Variants in HOOK3 observed in about 807,000 individuals in gnomAD.
HOOK3 encodes the protein protein Hook homolog 3.
HOOK3 carries 24 observed loss-of-function variants against 116.3 expected under a neutral mutation model. The ratio of observed to expected loss-of-function variants is 0.21; its 90% CI spans 0.15 to 0.29. The LOEUF (loss-of-function observed/expected upper bound fraction) is 0.29, where lower values mean the gene tolerates loss of function less well. Ranked by LOEUF, HOOK3 falls within the 10% of genes least tolerant of loss-of-function variation. The pLI is 1.00. For synonymous variants in HOOK3, 275 were observed against 283.0 expected (o/e 0.97, Z 0.28); for missense variants, 632 against 830.2 (o/e 0.76, Z 2.93).
At chr8:42,907,816 C>CAAA (rs71550426) in intron 2 of HOOK3, among the ~76,000 whole-genome samples, 47 of 46,068 alleles carry the variant, frequency 1.0e-3, no homozygotes, top group Non-Finnish European at 1.1e-3. Context: ...AGCAACGAGG[C>CAAA]AAAAAAAAAA....
intron 13 of HOOK3, 37 bp from the exon 14 acceptor site, chr8:42,982,590 T>G: frequency 7.0e-7 from 1 of 1,423,692 alleles, no homozygotes; most frequent in Non-Finnish European, 9.9e-7. Context: ...TAACTGTGTT[T>G]TCCATTAGCC....
Position 43,026,329 on chromosome 8 carries a change from T to G in HOOK3, c.*7831T>G. The G allele has an allele frequency of 5.2e-6, 1 of 192,980 alleles. No individual in the cohort carries two copies. Among genetic ancestry groups the G allele is most frequent in the Non-Finnish European group, 1.1e-5 (1 of 92,416 alleles). The allele number at this position is 192,980 out of a possible 1,614,324, so 12.0% of individuals were successfully genotyped here. On this transcript the variant is annotated 3_prime_UTR_variant, in exon 22 of 22. Coordinates refer to ENST00000307602, the MANE Select transcript of HOOK3 (RefSeq NM_032410.4). ...CTTCTAGTCATTTATGTAGTATATT[T>G]TACTGCAAAATTTGTAGCACTTTAC...
chr8:42,998,731 A>G (rs994622663), intron 16 of HOOK3, among the ~76,000 whole-genome samples: 9 of 152,104 alleles, frequency 5.9e-5, no homozygotes, highest in South Asian at 2.1e-4. Context: ...CCCTTAATCA[A>G]TGTGTTGGCA....
intron 21 of HOOK3, among the ~76,000 whole-genome samples, chr8:43,016,136 TA>T (rs1187205722): frequency 4.1e-4 from 50 of 123,272 alleles, no homozygotes; most frequent in African/African-American, 1.3e-3. Context: ...TTTTTTTTTT[TA>T]AATGGAGTCT....
chr8:42,924,396 T>G (rs1157133329), intron 2 of HOOK3, among the ~76,000 whole-genome samples: 1 of 151,620 alleles, frequency 6.6e-6, no homozygotes, highest in Non-Finnish European at 1.5e-5. Context: ...AAAATTTTTC[T>G]AGGAAAATAT....
chr8:42,976,754 G>A (rs1410520174), intron 13 of HOOK3, among the ~76,000 whole-genome samples: 3 of 152,010 alleles, frequency 2.0e-5, no homozygotes, highest in African/African-American at 2.4e-5. Context: ...AAAATTAGCC[G>A]GGCATGGTGG....
At chr8:42,981,442 T>G (rs1168864843) in intron 13 of HOOK3, among the ~76,000 whole-genome samples, 2 of 152,214 alleles carry the variant, frequency 1.3e-5, no homozygotes, top group Non-Finnish European at 2.9e-5. Context: ...TGTGTATGTA[T>G]CCTTTGACCT....
chr8:43,018,527 C>G lies in HOOK3; in HGVS notation c.*29C>G. 1 of 1,577,504 alleles carries G rather than the reference C, an allele frequency of 6.3e-7. No homozygotes were observed. The highest frequency in any genetic ancestry group is 2.3e-5 in the East Asian group (1 of 44,348). The stretch of plus-strand genomic sequence containing the variant: ...AGTTGTGCCGCTCAATCACAGACAC[C>G]TGCACCCACAACATACTTCTGTTAC... On this transcript the variant is annotated 3_prime_UTR_variant, in exon 22 of 22. Transcript: ENST00000307602.
chr8:42,976,353 T>A (rs1314601275), intron 13 of HOOK3, among the ~76,000 whole-genome samples: 1 of 151,662 alleles, frequency 6.6e-6, no homozygotes, highest in East Asian at 1.9e-4. Context: ...ACAAAAAAAA[T>A]TTAAAAATTA....
chr8:42,897,315 C>A, intron 1 of HOOK3, 127 bp downstream of exon 1: 1 of 418,602 alleles, frequency 2.4e-6, no homozygotes, highest in Non-Finnish European at 3.7e-6. Context: ...CTGGGGCGGG[C>A]GGGGCGAGGA....
At chr8:42,927,183 T>G (rs994353392) in intron 3 of HOOK3, among the ~76,000 whole-genome samples, 8 of 152,154 alleles carry the variant, frequency 5.3e-5, no homozygotes, top group African/African-American at 1.9e-4. Flanking sequence ...AGTATTGGGT[T>G]TGCCAAAATC....
chr8:42,920,323 A>C (rs1180442698), intron 2 of HOOK3, among the ~76,000 whole-genome samples: 2 of 152,180 alleles, frequency 1.3e-5, no homozygotes, highest in Non-Finnish European at 2.9e-5. Context: ...ACATTACTGA[A>C]ATTGTAAAGT....
intron 11 of HOOK3, among the ~76,000 whole-genome samples, chr8:42,971,395 T>G (rs1180058150): frequency 6.6e-6 from 1 of 151,648 alleles, no homozygotes. Flanking sequence ...GCCTCCCGAG[T>G]AGCTGGGATT....
At chr8:42,980,298 A>C (rs1379687363) in intron 13 of HOOK3, among the ~76,000 whole-genome samples, 6 of 152,130 alleles carry the variant, frequency 3.9e-5, no homozygotes, top group Non-Finnish European at 2.9e-5. Context: ...CCTGAAATTT[A>C]ACCCTTTTTC....
intron 2 of HOOK3, among the ~76,000 whole-genome samples, chr8:42,911,961 T>A (rs1008364372): frequency 1.3e-5 from 2 of 152,192 alleles, no homozygotes; most frequent in East Asian, 1.9e-4. Flanking sequence ...ACTGGAGATA[T>A]CTATTTGAAT....
At chr8:42,987,591 G>T (rs568087061) in intron 15 of HOOK3, among the ~76,000 whole-genome samples, 8 of 152,268 alleles carry the variant, frequency 5.3e-5, no homozygotes, top group African/African-American at 1.9e-4. Flanking sequence ...ACCCTAAAAG[G>T]AAATGATTCA....
intron 3 of HOOK3, among the ~76,000 whole-genome samples, chr8:42,928,684 G>T (rs1807817025): frequency 6.6e-6 from 1 of 152,048 alleles, no homozygotes; most frequent in African/African-American, 2.4e-5. Context: ...TTAATATTCA[G>T]GACTGAACTT....
At position 42,997,720 on chromosome 8, in the gene HOOK3, G is replaced by C. The variant is rs1263352046; in HGVS notation, c.1620+83G>C. The C allele has an allele frequency of 1.1e-5, 9 of 815,886 alleles. No individual in the cohort carries two copies. In the Admixed American group the frequency reaches 1.6e-4, roughly 14 times the overall value. The allele number at this position is 815,886 out of a possible 1,614,324, so 50.5% of individuals were successfully genotyped here. Reference sequence around the variant, plus strand: ...TTTTATTTTTTATTTGATGTTTTTTGTCAAAATAATTTAGTATTATATTGG... The same window carrying C: ...TTTTATTTTTTATTTGATGTTTTTTCTCAAAATAATTTAGTATTATATTGG... On this transcript the variant is annotated intron_variant, in intron 16 of 21. Transcript: ENST00000307602.
At chr8:42,899,904 T>C (rs1477661544) in intron 1 of HOOK3, among the ~76,000 whole-genome samples, 1 of 152,226 alleles carries the variant, frequency 6.6e-6, no homozygotes, top group Non-Finnish European at 1.5e-5. Context: ...AAAAGTTTGT[T>C]TTCACTACAT....
Sources: allele counts gnomAD v4.1 joint callset (sites outside exome capture counted in the v4.1 genomes callset), GRCh38; gene constraint gnomAD v4.1.1; transcripts MANE v1.5; gene names NCBI Gene and HGNC (gene_info 2026-07-23, HGNC 2026-07-21).